The following SLC17A7 variants were observed in gnomAD, a reference collection of about 807,000 sequenced individuals.
SLC17A7 encodes the protein solute carrier family 17 member 7.
SLC17A7 carries 15 observed loss-of-function variants against 59.1 expected under a neutral mutation model. That is an observed-to-expected ratio of 0.25 (90% CI 0.17 to 0.39). The LOEUF (loss-of-function observed/expected upper bound fraction) is 0.39. Among genes scored for constraint, SLC17A7 ranks in the 10% least tolerant of loss-of-function variants. The probability of loss-of-function intolerance (pLI) is 1.00; values close to 1 mark genes in which losing one functional copy is unlikely to be tolerated. For synonymous variants in SLC17A7, 353 were observed against 308.9 expected (o/e 1.14, Z -1.50); for missense variants, 499 against 765.1 (o/e 0.65, Z 4.10).
At position 49,433,953 on chromosome 19, in the gene SLC17A7, C is replaced by T; in HGVS notation, c.724+7G>A. On this transcript the variant is annotated splice_region_variant and intron_variant, in intron 6 of 11. Coordinates refer to ENST00000221485, the MANE Select transcript of SLC17A7 (RefSeq NM_020309.4). The surrounding 1 kb of genome is among the most constrained non-coding windows in gnomAD (Gnocchi z 5.7). ...GCCACCCGGAACCAGGCATCCGGGTCCCTCACCGTAGACGTAGAAAACAGA... is the reference window on the plus strand; with the variant it reads ...GCCACCCGGAACCAGGCATCCGGGTTCCTCACCGTAGACGTAGAAAACAGA... The T allele has an allele frequency of 6.2e-7, 1 of 1,613,452 alleles. No homozygotes were observed.
At position 49,433,601 on chromosome 19, in the gene SLC17A7, C is replaced by A; in HGVS notation, c.867+125G>T. 7.2e-7 allele frequency: 1 copy of A among 1,393,918 alleles called. No individual in the cohort carries two copies. 86.3% of individuals were successfully genotyped at this position (1,393,918 alleles called of 1,614,324 possible). A position where few individuals can be genotyped will look rare whatever the true frequency, so the allele number is the denominator to read the frequency against. On this transcript the variant is annotated intron_variant, in intron 7 of 11. Transcript: ENST00000221485. The surrounding 1 kb of genome is among the most constrained non-coding windows in gnomAD (Gnocchi z 5.7). ...TGCAACCCGCCTCCTAGGTTCTAGC[C>A]CCTCTCTTTGCGTTCCAGTCCCGTC...
At chr19:49,440,541 C>T (rs1032077803) in intron 1 of SLC17A7, among the ~76,000 whole-genome samples, 1 of 152,100 alleles carries the variant, frequency 6.6e-6, no homozygotes, top group African/African-American at 2.4e-5. Flanking sequence ...GGAAGGCTGT[C>T]CTACCCCAGG....
chr19:49,438,371 T>C (rs1600989628), intron 1 of SLC17A7: 3 of 152,088 alleles, frequency 2.0e-5, no homozygotes, highest in African/African-American at 4.8e-5. Flanking sequence ...GGGACGTGAT[T>C]TGTGAGGTGC....
chr19:49,435,546 C>G, intron 2 of SLC17A7: 1 of 386,894 alleles, frequency 2.6e-6, no homozygotes, highest in South Asian at 3.6e-5. Flanking sequence ...TGCTTCCTTG[C>G]CTCCATGAAA....
Position 49,436,418 on chromosome 19 carries a change from C to T in SLC17A7, c.315+131G>A. 1 of 1,245,016 alleles carries T rather than the reference C, an allele frequency of 8.0e-7. No homozygotes were observed. The highest frequency in any genetic ancestry group is 1.4e-5 in the South Asian group (1 of 71,748). 77.1% of individuals were successfully genotyped at this position (1,245,016 alleles called of 1,614,324 possible). A position where few individuals can be genotyped will look rare whatever the true frequency, so the allele number is the denominator to read the frequency against. On this transcript the variant is annotated intron_variant, in intron 2 of 11. Transcript: ENST00000221485. This position sits in a 1 kb window ranked among gnomAD's most constrained non-coding sequence, Gnocchi z 4.1. Reference sequence around the variant, plus strand: ...AGAACTAAGGGGCGCACGGATTGGGCGGAGCTATTCCGACAGCGTTTCGGA... The same window carrying T: ...AGAACTAAGGGGCGCACGGATTGGGTGGAGCTATTCCGACAGCGTTTCGGA...
chr19:49,438,716 A>C (rs906289350), intron 1 of SLC17A7, among the ~76,000 whole-genome samples: 1 of 152,074 alleles, frequency 6.6e-6, no homozygotes, highest in Non-Finnish European at 1.5e-5. Context: ...GGATGGCAGT[A>C]ACTCCCCCCA....
At position 49,432,937 on chromosome 19, in the gene SLC17A7, G is replaced by A; in HGVS notation, c.891C>T (p.Arg297=). Residue 297 remains arginine, a synonymous_variant, in exon 8 of 12, where the codon CGC becomes CGT. Transcript: ENST00000221485. The part of the protein sequence containing the change: ...PLTKFSTPWR[R]FFTSMPVYAI... ...CATAGACTGGCATAGACGTGAAGAA[G>A]CGCCGCCAGGGAGTGCTAAACTTCT... 6.2e-7 allele frequency: 1 copy of A among 1,607,724 alleles called. No homozygotes were observed. Among genetic ancestry groups the A allele is most frequent in the Admixed American group, 1.7e-5 (1 of 59,274 alleles).
Position 49,430,222 on chromosome 19 carries a change from G to A in SLC17A7, c.*297C>T, listed in dbSNP as rs543326594. 81 of 257,636 alleles carry A rather than the reference G, an allele frequency of 3.1e-4. No individual in the cohort carries two copies. Among genetic ancestry groups the A allele is most frequent in the African/African-American group, 1.7e-3 (75 of 44,664 alleles). The allele number at this position is 257,636 out of a possible 1,614,324, so 16.0% of individuals were successfully genotyped here. On this transcript the variant is annotated 3_prime_UTR_variant, in exon 12 of 12. Transcript: ENST00000221485. ...AAACCACAAGAGAGAGTAAGAGGTC[G>A]AACTGTCCATTCAAATAAAGCCCTG...
rs2078954060 is a variant in SLC17A7 at position 49,430,524 on chromosome 19, A to T, written c.1678T>A (p.Tyr560Asn). Residue 560 changes from tyrosine to asparagine, a missense_variant, in exon 12 of 12, where the codon TAC becomes AAC. Physicochemically the swap from Tyr to Asn is moderately radical, Grantham distance 143 (BLOSUM62 -2). Coordinates refer to ENST00000221485, the MANE Select transcript of SLC17A7 (RefSeq NM_020309.4). ...ATTCAGTGGGAGGCACATGGTCAGTAGTCCCGGACAGGGGGTGGGGGCCTG... is the reference window on the plus strand; with the variant it reads ...ATTCAGTGGGAGGCACATGGTCAGTTGTCCCGGACAGGGGGTGGGGGCCTG... ...PPRPPPPVRD[Y>N] is the part of the protein sequence containing the mutation. 1 of 1,565,636 alleles carries T rather than the reference A, an allele frequency of 6.4e-7. No homozygotes were observed. Among genetic ancestry groups the T allele is most frequent in the Admixed American group, 1.8e-5 (1 of 55,986 alleles).
chr19:49,429,531 A>G lies in SLC17A7; in HGVS notation c.*988T>C. 2.5e-6 allele frequency: 1 copy of G among 398,998 alleles called. No homozygotes were observed. The highest frequency in any genetic ancestry group is 3.6e-5 in the East Asian group (1 of 28,078). The allele number at this position is 398,998 out of a possible 1,614,324, so 24.7% of individuals were successfully genotyped here. On this transcript the variant is annotated 3_prime_UTR_variant, in exon 12 of 12. Coordinates refer to ENST00000221485, the MANE Select transcript of SLC17A7 (RefSeq NM_020309.4). ...CTCCTGCCCCATTCCCTTTCATGGG[A>G]TTCTGTGACTTCTCTATAGGTTCCC...
At chr19:49,435,963 G>C (rs1056010965) in intron 2 of SLC17A7, 4 of 155,374 alleles carry the variant, frequency 2.6e-5, no homozygotes, top group Non-Finnish European at 5.7e-5. Flanking sequence ...CTGCTCAGAA[G>C]GCTGAGGCAG....
In SLC17A7 at chr19:49,441,523, C is replaced by G; in HGVS notation, c.-144G>C. ...GCTCCGCTCGGGGGGAAGGAGGCTG[C>G]AAGTGCAGGCGGCCCGGGGGCTGTC... On this transcript the variant is annotated 5_prime_UTR_variant, in exon 1 of 12. Coordinates refer to ENST00000221485, the MANE Select transcript of SLC17A7 (RefSeq NM_020309.4). 9.6e-7 allele frequency: 1 copy of G among 1,043,428 alleles called. No homozygotes were observed. The highest frequency in any genetic ancestry group is 1.2e-6 in the Non-Finnish European group (1 of 869,336). The allele number at this position is 1,043,428 out of a possible 1,614,324, so 64.6% of individuals were successfully genotyped here.
At chr19:49,441,525 AGTGCAGGCGGCCCGGGGGCT>A in exon 1 of SLC17A7, 3 of 1,040,528 alleles carry the variant, frequency 2.9e-6, no homozygotes, top group Non-Finnish European at 3.5e-6. Context: ...GGAGGCTGCA[AGTGCAGGCGGCCCGGGGGCT>A]GTCACAGGAC....
chr19:49,430,721 T>G lies in SLC17A7; in HGVS notation c.1481A>C (p.Lys494Thr). The G allele has an allele frequency of 6.2e-7, 1 of 1,614,112 alleles. No individual in the cohort carries two copies. Among genetic ancestry groups the G allele is most frequent in the South Asian group, 1.1e-5 (1 of 91,080 alleles). Residue 494 changes from lysine to threonine, a missense_variant, in exon 12 of 12, where the codon AAG becomes ACG. Coordinates refer to ENST00000221485, the MANE Select transcript of SLC17A7 (RefSeq NM_020309.4). ...IFYGVFASGE[K>T]QPWAEPEEMS... ...CTCCTCAGGCTCTGCCCACGGCTGC[T>G]TCTCTCCAGAAGCAAAGACCCCGTA...
intron 1 of SLC17A7, chr19:49,437,498 C>A (rs73580623): frequency 6.5e-6 from 1 of 153,672 alleles, no homozygotes; most frequent in Non-Finnish European, 1.4e-5. Flanking sequence ...GGAGGGCTGC[C>A]TCAAACCCAG....
rs532058755 is a variant in SLC17A7 at position 49,431,110 on chromosome 19, G to A, written c.1294C>T (p.Arg432Cys). 3.1e-6 allele frequency: 5 copies of A among 1,613,964 alleles called. No individual in the cohort carries two copies. The highest frequency in any genetic ancestry group is 1.7e-5 in the Admixed American group (1 of 60,026). Reference protein sequence around the residue: ...FNVNHLDIAPRYASILMGISN... With the variant: ...FNVNHLDIAPCYASILMGISN... ...ATGCCCATGAGGATGCTGGCGTAGC[G>A]CGGGGCTATGTCCAGGTGGTTCACG... is the stretch of plus-strand genomic sequence containing the variant. Residue 432 changes from arginine to cysteine, a missense_variant, in exon 11 of 12, where the codon CGC becomes TGC. Arg to Cys is a radical substitution (Grantham distance 180). Coordinates refer to ENST00000221485, the MANE Select transcript of SLC17A7 (RefSeq NM_020309.4). This position sits in a 1 kb window ranked among gnomAD's most constrained non-coding sequence, Gnocchi z 4.6.
At position 49,430,696 on chromosome 19, in the gene SLC17A7, C is replaced by T; in HGVS notation, c.1506G>A (p.Glu502=). 6.2e-7 allele frequency: 1 copy of T among 1,614,136 alleles called. No homozygotes were observed. The highest frequency in any genetic ancestry group is 8.5e-7 in the Non-Finnish European group (1 of 1,179,988). The change falls in exon 12 of 12, where the codon GAG becomes GAA. Residue 502 remains glutamate (E), a synonymous_variant. Coordinates refer to ENST00000221485, the MANE Select transcript of SLC17A7 (RefSeq NM_020309.4). ...CGAAGCCACACTTCTCCTCGCTCAT[C>T]TCCTCAGGCTCTGCCCACGGCTGCT... ...GEKQPWAEPE[E]MSEEKCGFVG... is the part of the protein sequence containing the mutation.
At chr19:49,437,349 T>G (rs2078983541) in intron 1 of SLC17A7, 2 of 156,052 alleles carry the variant, frequency 1.3e-5, no homozygotes, top group Non-Finnish European at 1.4e-5. Context: ...GCCTAGGGGG[T>G]AGGGAGGGGG....
rs1305382327 is a variant in SLC17A7 at position 49,441,470 on chromosome 19, G to A, written c.-91C>T. The stretch of plus-strand genomic sequence containing the variant: ...GGGCGGCCGCGTCCGGGTTCCCGGG[G>A]TCCAGCCCCGGCCCGGCCGGCCCCG... On this transcript the variant is annotated 5_prime_UTR_variant, in exon 1 of 12. Coordinates refer to ENST00000221485, the MANE Select transcript of SLC17A7 (RefSeq NM_020309.4). 2.0e-6 allele frequency: 2 copies of A among 1,017,626 alleles called. No homozygotes were observed. Among genetic ancestry groups the A allele is most frequent in the East Asian group, 6.5e-5 (1 of 15,284 alleles). The allele number at this position is 1,017,626 out of a possible 1,614,324, so 63.0% of individuals were successfully genotyped here.
Sources: allele counts gnomAD v4.1 joint callset (sites outside exome capture counted in the v4.1 genomes callset), GRCh38; gene constraint gnomAD v4.1.1; non-coding constraint Gnocchi (gnomAD v3.1); transcripts MANE v1.5; gene names NCBI Gene and HGNC (gene_info 2026-07-23, HGNC 2026-07-21).